PHACTR1: variants seen among roughly 807,000 people sequenced by gnomAD.
The protein encoded by PHACTR1 is RPEL repeat containing 1.
PHACTR1 carries 16 observed loss-of-function variants against 69.2 expected under a neutral mutation model. That is an observed-to-expected ratio of 0.23 (90% confidence interval 0.16 to 0.35). The LOEUF is 0.35. PHACTR1 is among the 10% of genes least tolerant of loss of function. The pLI, the probability that PHACTR1 is intolerant of heterozygous loss-of-function variation, is 1.00. For synonymous variants in PHACTR1, 312 were observed against 284.5 expected (o/e 1.10, Z -0.97); for missense variants, 510 against 734.7 (o/e 0.69, Z 3.54).
intron 7 of PHACTR1, among the ~76,000 whole-genome samples, chr6:13,195,841 C>T (rs144573099): frequency 5.3e-5 from 8 of 150,178 alleles, no homozygotes; most frequent in East Asian, 3.9e-4. Context: ...ACACTTATTC[C>T]GTGTGTCGGC....
intron 10 of PHACTR1, among the ~76,000 whole-genome samples, chr6:13,256,337 A>G (rs763309482): frequency 6.6e-6 from 1 of 152,202 alleles, no homozygotes; most frequent in Non-Finnish European, 1.5e-5. Flanking sequence ...GCTGCTGTGA[A>G]GGTCTCTGAA....
intron 5 of PHACTR1, among the ~76,000 whole-genome samples, chr6:13,090,855 G>A (rs1034191713): frequency 1.3e-5 from 2 of 152,136 alleles, no homozygotes; most frequent in Admixed American, 6.5e-5. Context: ...CAGACTGGGG[G>A]CAGCAGATGA....
At chr6:13,122,222 T>C (rs1354299546) in intron 5 of PHACTR1, among the ~76,000 whole-genome samples, 2 of 152,260 alleles carry the variant, frequency 1.3e-5, no homozygotes, top group African/African-American at 2.4e-5. Context: ...AGAGTTTCAG[T>C]ATGTAAGGAC....
intron 4 of PHACTR1, among the ~76,000 whole-genome samples, chr6:12,952,728 C>T (rs575416148): frequency 3.7e-3 from 557 of 151,660 alleles, no homozygotes; most frequent in Non-Finnish European, 5.4e-3. Context: ...TGTGTAGATA[C>T]CAAGGAACAG....
At chr6:13,044,706 G>A (rs955038761) in intron 4 of PHACTR1, among the ~76,000 whole-genome samples, 2 of 152,156 alleles carry the variant, frequency 1.3e-5, no homozygotes, top group East Asian at 1.9e-4. Context: ...GGTAGATTCC[G>A]GATCTGGACC....
At chr6:12,923,467 T>C (rs754546985) in intron 4 of PHACTR1, among the ~76,000 whole-genome samples, 8 of 152,256 alleles carry the variant, frequency 5.3e-5, no homozygotes, top group Non-Finnish European at 1.0e-4. Flanking sequence ...TGCAATATCC[T>C]TGACATCATG....
chr6:12,943,343 G>A (rs560167685), intron 4 of PHACTR1, among the ~76,000 whole-genome samples: 1 of 152,320 alleles, frequency 6.6e-6, no homozygotes, highest in African/African-American at 2.4e-5. Flanking sequence ...GTTTTACCAG[G>A]GGGCTAAGGA....
At chr6:13,115,380 C>G (rs1033262574) in intron 5 of PHACTR1, among the ~76,000 whole-genome samples, 3 of 152,162 alleles carry the variant, frequency 2.0e-5, no homozygotes, top group East Asian at 1.9e-4. Flanking sequence ...CACAAACACT[C>G]TCTCTCTCCC....
intron 4 of PHACTR1, among the ~76,000 whole-genome samples, chr6:12,758,122 A>T (rs1267160953): frequency 6.6e-6 from 1 of 151,974 alleles, no homozygotes; most frequent in African/African-American, 2.4e-5. Flanking sequence ...AAAAAAAATG[A>T]AAAAGCAGTT....
At chr6:13,230,715 T>C (rs1443281126) in intron 10 of PHACTR1, among the ~76,000 whole-genome samples, 2 of 151,998 alleles carry the variant, frequency 1.3e-5, no homozygotes, top group Non-Finnish European at 2.9e-5. Flanking sequence ...TAATCATCTG[T>C]AGAAAAGCCT....
chr6:12,864,209 G>A (rs1186055127), intron 4 of PHACTR1, among the ~76,000 whole-genome samples: 2 of 152,190 alleles, frequency 1.3e-5, no homozygotes, highest in African/African-American at 4.8e-5. Context: ...AACTTTTACT[G>A]CATGTATGTG....
chr6:12,744,092 T>C (rs892381375), intron 3 of PHACTR1, among the ~76,000 whole-genome samples: 4 of 152,316 alleles, frequency 2.6e-5, no homozygotes, highest in African/African-American at 9.6e-5. Flanking sequence ...GAAATAAATA[T>C]GTTCTTTGAA....
intron 5 of PHACTR1, among the ~76,000 whole-genome samples, chr6:13,088,111 C>T (rs1421861800): frequency 1.3e-5 from 2 of 152,118 alleles, no homozygotes; most frequent in Non-Finnish European, 2.9e-5. Flanking sequence ...AAAAATAAGA[C>T]ACAATTCCCG....
intron 5 of PHACTR1, among the ~76,000 whole-genome samples, chr6:13,089,435 C>T (rs944332513): frequency 6.6e-6 from 1 of 152,116 alleles, no homozygotes; most frequent in Non-Finnish European, 1.5e-5. Flanking sequence ...TGGCTCAGGG[C>T]AGGCTTTCTT....
chr6:12,977,625 T>C (rs945177802), intron 4 of PHACTR1, among the ~76,000 whole-genome samples: 2 of 152,220 alleles, frequency 1.3e-5, no homozygotes, highest in Non-Finnish European at 2.9e-5. Flanking sequence ...GAGAGCTCAG[T>C]AATTAGTGTA....
At chr6:12,945,282 G>A (rs1292405344) in intron 4 of PHACTR1, among the ~76,000 whole-genome samples, 3 of 152,020 alleles carry the variant, frequency 2.0e-5, no homozygotes, top group African/African-American at 7.3e-5. Flanking sequence ...TCTGCTATGC[G>A]CTGCCACAAC....
chr6:13,131,803 T>C (rs1820510850), intron 5 of PHACTR1, among the ~76,000 whole-genome samples: 1 of 152,230 alleles, frequency 6.6e-6, no homozygotes, highest in African/African-American at 2.4e-5. Flanking sequence ...AGAGGATGCA[T>C]TTCAATCATT....
Position 13,208,638 on chromosome 6 carries a change from C to A in PHACTR1, c.986+2502C>A, listed in dbSNP as rs565323380. ...CCAACGTCATTGCTGCCCACCCCCC[C>A]AACCCCATGTCTACATGCACCCACT... On this transcript the variant is annotated intron_variant, in intron 8 of 14. Transcript: ENST00000332995. Among the ~76,000 whole-genome samples the A allele has an allele frequency of 2.1e-3, 314 of 150,984 alleles. 1 individual carries two copies. Among genetic ancestry groups the A allele is most frequent in the Non-Finnish European group, 3.8e-3 (258 of 67,586 alleles).
intron 6 of PHACTR1, among the ~76,000 whole-genome samples, chr6:13,161,983 C>A (rs1759085188): frequency 6.6e-6 from 1 of 152,154 alleles, no homozygotes; most frequent in Admixed American, 6.5e-5. Flanking sequence ...TATGACCATA[C>A]CAGCATACCA....
Sources: allele counts gnomAD v4.1 joint callset (sites outside exome capture counted in the v4.1 genomes callset), GRCh38; gene constraint gnomAD v4.1.1; transcripts MANE v1.5; gene names NCBI Gene and HGNC (gene_info 2026-07-23, HGNC 2026-07-21).